Variants in UNC45A observed in about 807,000 individuals in gnomAD.
UNC45A encodes unc-45 myosin chaperone A.
UNC45A carries 78 observed loss-of-function variants against 103.2 expected under a neutral mutation model. The observed-to-expected ratio is 0.76, with a 90% CI of 0.63 to 0.91. The LOEUF (loss-of-function observed/expected upper bound fraction) is 0.91. Ranked by LOEUF, UNC45A falls within the 40% of genes least tolerant of loss-of-function variation. The probability of loss-of-function intolerance (pLI) is 0.00; values close to 1 mark genes in which losing one functional copy is unlikely to be tolerated. For synonymous variants in UNC45A, 495 were observed against 504.6 expected, an observed-to-expected ratio of 0.98 and a Z score of 0.25; for missense variants, 1,193 against 1,224.8, an observed-to-expected ratio of 0.97 and a Z score of 0.39.
At position 90,949,136 on chromosome 15, in the gene UNC45A, A is replaced by C. The variant is rs1462706941; in HGVS notation, c.1879-180A>C. ...CGTGATCCGCCTGCCTCAGCCTCCC[A>C]AAGTGCTGGGATTACAGGTGTGAGC... On this transcript the variant is annotated intron_variant, in intron 13 of 19. Coordinates refer to ENST00000418476, the MANE Select transcript of UNC45A (RefSeq NM_018671.5). Among the ~76,000 whole-genome samples, 14 of 152,068 alleles carry C rather than the reference A, an allele frequency of 9.2e-5. 1 individual carries two copies. The highest frequency in any genetic ancestry group is 9.2e-4 in the Admixed American group (14 of 15,262).
upstream of UNC45A, chr15:90,931,925 G>GT (rs1567143928): frequency 1.9e-6 from 3 of 1,613,876 alleles, no homozygotes; most frequent in Middle Eastern, 1.6e-4. Flanking sequence ...GTCCTCCACC[G>GT]TGTCATGGAG....
intron 6 of UNC45A, among the ~76,000 whole-genome samples, chr15:90,941,744 G>A (rs2036297752): frequency 6.6e-6 from 1 of 152,076 alleles, no homozygotes; most frequent in South Asian, 2.1e-4. Flanking sequence ...CAGATCACGA[G>A]GTCAGGAGAT....
upstream of UNC45A, chr15:90,931,269 C>A (rs1390656942): frequency 3.2e-6 from 5 of 1,550,770 alleles, no homozygotes; most frequent in South Asian, 4.8e-5. Context: ...TAGCTTCAAG[C>A]ACTGATCAGA....
At chr15:90,942,279 C>T (rs1314764693) in intron 6 of UNC45A, among the ~76,000 whole-genome samples, 158 bp from the exon 7 acceptor site, 2 of 152,176 alleles carry the variant, frequency 1.3e-5, no homozygotes, top group African/African-American at 4.8e-5. Flanking sequence ...CTGCCATTAC[C>T]CTGGGTCATG....
intron 9 of UNC45A, among the ~76,000 whole-genome samples, chr15:90,945,998 C>T (rs1335018367): frequency 6.6e-6 from 1 of 150,974 alleles, no homozygotes; most frequent in Non-Finnish European, 1.5e-5. Flanking sequence ...ACCTGTAATC[C>T]CAGCACTTTG....
Position 90,940,459 on chromosome 15 carries a change from G to C in UNC45A, c.673G>C (p.Glu225Gln). 6.2e-7 allele frequency: 1 copy of C among 1,613,588 alleles called. No homozygotes were observed. Among genetic ancestry groups the C allele is most frequent in the Non-Finnish European group, 8.5e-7 (1 of 1,179,656 alleles). The part of the protein sequence containing the change: ...ALRTLVGICS[E>Q]HQSRTVATLS... ...GCGTACGCTGGTTGGCATTTGCTCT[G>C]AGCATCAGTCACGGGTAGGTGGAGT... is the stretch of plus-strand genomic sequence containing the variant. Residue 225 changes from glutamate (E) to glutamine (Q), a missense_variant, in exon 6 of 20, where the codon GAG becomes CAG. Coordinates refer to ENST00000418476, the MANE Select transcript of UNC45A (RefSeq NM_018671.5).
At chr15:90,950,341 T>A in intron 16 of UNC45A, 74 bp downstream of exon 16, 1 of 1,510,136 alleles carries the variant, frequency 6.6e-7, no homozygotes, top group Non-Finnish European at 9.0e-7. Flanking sequence ...GTAGCTCCCC[T>A]TTGGGACCAG....
At chr15:90,935,778 C>G (rs1282099479) in intron 2 of UNC45A, 73 bp downstream of exon 2, 2 of 1,516,984 alleles carry the variant, frequency 1.3e-6, no homozygotes, top group Admixed American at 2.2e-5. Context: ...TGCTTGGGCC[C>G]CAGCTGGACA....
intron 13 of UNC45A, 76 bp downstream of exon 13, chr15:90,948,870 C>T (rs2001749): frequency 0.035 from 46,932 of 1,324,222 alleles, 1,693 homozygotes; most frequent in African/African-American, 0.18. Context: ...AGCAGAACAA[C>T]CTCCCTTTTT....
chr15:90,933,741 T>C (rs866426380), upstream of UNC45A: 1 of 268,114 alleles, frequency 3.7e-6, no homozygotes, highest in African/African-American at 2.2e-5. Context: ...TAAATGCTTG[T>C]TTGTTCTTCA....
At chr15:90,936,503 G>A (rs1386739264) in intron 4 of UNC45A, 43 bp downstream of exon 4, 2 of 1,603,490 alleles carry the variant, frequency 1.2e-6, no homozygotes, top group South Asian at 1.1e-5. Flanking sequence ...GACTGGTGGT[G>A]AAGGGGTCTG....
intron 6 of UNC45A, 91 bp from the exon 7 acceptor site, chr15:90,942,343 CCTT>C (rs1470737167): frequency 2.8e-6 from 4 of 1,449,472 alleles, no homozygotes; most frequent in Non-Finnish European, 3.7e-6. Flanking sequence ...CCAATTCTCT[CCTT>C]CTGGCCGTAT....
chr15:90,931,627 A>G, upstream of UNC45A: 3 of 1,613,970 alleles, frequency 1.9e-6, no homozygotes, highest in Non-Finnish European at 2.5e-6. Flanking sequence ...AGGGTTTTTC[A>G]GGGGAACTGA....
upstream of UNC45A, chr15:90,932,424 C>A: frequency 7.4e-7 from 1 of 1,345,972 alleles, no homozygotes; most frequent in South Asian, 1.9e-5. Flanking sequence ...GGCCGACGCG[C>A]CCACCGATGG....
intron 9 of UNC45A, among the ~76,000 whole-genome samples, chr15:90,946,219 ACTC>A (rs1232399591): frequency 6.9e-6 from 1 of 145,976 alleles, no homozygotes; most frequent in Non-Finnish European, 1.5e-5. Context: ...ACGCCATTGC[ACTC>A]CAGCCTTGGG....
At chr15:90,938,576 G>T (rs1299709836) in intron 4 of UNC45A, among the ~76,000 whole-genome samples, 1 of 152,134 alleles carries the variant, frequency 6.6e-6, no homozygotes, top group Non-Finnish European at 1.5e-5. Context: ...AGGAAGGCGG[G>T]TGGTCCACAT....
chr15:90,932,459 C>A (rs971343113), upstream of UNC45A: 2 of 1,333,368 alleles, frequency 1.5e-6, no homozygotes, highest in Admixed American at 7.2e-5. Context: ...GGGGTCCCCT[C>A]GGGGTCCTTC....
Position 90,935,666 on chromosome 15 carries a change from C to G in UNC45A, c.174C>G (p.Ala58=). 2 of 1,586,620 alleles carry G rather than the reference C, an allele frequency of 1.3e-6. No individual in the cohort carries two copies. Among genetic ancestry groups the G allele is most frequent in the Non-Finnish European group, 1.7e-6 (2 of 1,168,874 alleles). ...TGGACGCGACGCCCCAGGACCAGGC[C>G]GTTCTGCACCGGAACCGGGCCGCCT... ...LGLDATPQDQ[A]VLHRNRAACH... The change falls in exon 2 of 20, where the codon GCC becomes GCG. Residue 58 remains alanine (A), a synonymous_variant. Transcript: ENST00000418476.
At chr15:90,936,853 C>T (rs542337359) in intron 4 of UNC45A, among the ~76,000 whole-genome samples, 4 of 152,308 alleles carry the variant, frequency 2.6e-5, no homozygotes, top group Non-Finnish European at 4.4e-5. Context: ...ACCTTGTCCA[C>T]GTGCACAAGT....
Sources: gnomAD v4.1 joint callset for allele counts (sites outside exome capture counted in the v4.1 genomes callset) on GRCh38, gnomAD v4.1.1 for gene constraint, MANE v1.5 for transcripts, NCBI Gene and HGNC (gene_info 2026-07-23, HGNC 2026-07-21) for gene names.